Variants in CNTN1 observed in about 807,000 individuals in gnomAD.
CNTN1 encodes the protein contactin 1.
Under a neutral mutation model 126.4 loss-of-function variants are expected in CNTN1, and 38 were observed. The observed-to-expected ratio is 0.30, with a 90% CI of 0.23 to 0.39. CNTN1 has a LOEUF of 0.39. Ranked by LOEUF, CNTN1 falls within the 10% of genes least tolerant of loss-of-function variation. The pLI, the probability that CNTN1 is intolerant of heterozygous loss-of-function variation, is 1.00. For missense variants in CNTN1, 1,009 were observed against 1,248.4 expected (o/e 0.81, Z 2.89); for synonymous variants, 413 against 422.6 (o/e 0.98, Z 0.28).
At chr12:40,948,258 C>CTTTTTTTTTTTT (rs58087551) in intron 14 of CNTN1, among the ~76,000 whole-genome samples, 2 of 62,682 alleles carry the variant, frequency 3.2e-5, no homozygotes, top group African/African-American at 6.5e-5. Flanking sequence ...TTCTTTCTTT[C>CTTTTTTTTTTTT]TTTTTTTTTT....
intron 1 of CNTN1, among the ~76,000 whole-genome samples, chr12:40,833,344 C>T (rs1402381497): frequency 6.6e-6 from 1 of 152,170 alleles, no homozygotes; most frequent in African/African-American, 2.4e-5. Context: ...GATCTGCCCA[C>T]CCCAGCCTCC....
Position 40,933,508 on chromosome 12 carries a change from G to T in CNTN1, c.751G>T (p.Val251Leu). 1 of 1,612,138 alleles carries T rather than the reference G, an allele frequency of 6.2e-7. No homozygotes were observed. Among genetic ancestry groups the T allele is most frequent in the Non-Finnish European group, 8.5e-7 (1 of 1,178,568 alleles). Residue 251 changes from valine to leucine, a missense_variant, in exon 8 of 24, where the codon GTA becomes TTA. Physicochemically the swap from Val to Leu is conservative, Grantham distance 32. Transcript: ENST00000551295. ...PADIVVQFKD[V>L]YALMGQNVTL... is the part of the protein sequence containing the mutation. ...TGATATTGTAGTTCAGTTCAAGGAT[G>T]TATATGCATTGATGGGCCAAAATGT...
chr12:41,022,138 A>C (rs1341407672), intron 20 of CNTN1, among the ~76,000 whole-genome samples: 2 of 152,192 alleles, frequency 1.3e-5, no homozygotes, highest in South Asian at 4.1e-4. Flanking sequence ...AACAAGAAGA[A>C]GACAAAAGAA....
At chr12:41,066,358 A>G (rs1950049172) in intron 23 of CNTN1, among the ~76,000 whole-genome samples, 2 of 152,196 alleles carry the variant, frequency 1.3e-5, no homozygotes, top group Admixed American at 1.3e-4. Context: ...TGAAGGTCAC[A>G]GTGGTTTCCT....
At chr12:40,858,677 C>T (rs988315063) in intron 1 of CNTN1, among the ~76,000 whole-genome samples, 10 of 152,096 alleles carry the variant, frequency 6.6e-5, no homozygotes, top group Non-Finnish European at 1.2e-4. Context: ...TACATGCACA[C>T]GTATGTTCAT....
intron 1 of CNTN1, among the ~76,000 whole-genome samples, chr12:40,805,444 T>C (rs981817100): frequency 6.6e-6 from 1 of 152,048 alleles, no homozygotes; most frequent in Non-Finnish European, 1.5e-5. Context: ...TCAAGTGTAC[T>C]GGTTGGTCTA....
intron 6 of CNTN1, among the ~76,000 whole-genome samples, chr12:40,925,611 A>ATATATATATATGTG: frequency 6.9e-6 from 1 of 143,946 alleles, no homozygotes; most frequent in Admixed American, 7.0e-5. Flanking sequence ...ATATACGTGT[A>ATATATATATATGTG]TATATATATA....
At chr12:40,745,789 G>A (rs184284986) in intron 1 of CNTN1, among the ~76,000 whole-genome samples, 5 of 152,114 alleles carry the variant, frequency 3.3e-5, no homozygotes, top group Non-Finnish European at 7.4e-5. Context: ...CATATTCGGG[G>A]TTAAAATATT....
At chr12:40,785,138 A>G (rs1399960966) in intron 1 of CNTN1, among the ~76,000 whole-genome samples, 1 of 152,198 alleles carries the variant, frequency 6.6e-6, no homozygotes, top group Admixed American at 6.6e-5. Context: ...GACACAGAAA[A>G]AAACTATTTA....
chr12:40,817,708 A>C (rs950504778), intron 1 of CNTN1, among the ~76,000 whole-genome samples: 2 of 151,942 alleles, frequency 1.3e-5, no homozygotes, highest in African/African-American at 2.4e-5. Context: ...TCCTATCATC[A>C]TGATGCTATT....
chr12:40,940,313 T>TG (rs1415501870), intron 12 of CNTN1, among the ~76,000 whole-genome samples: 2 of 151,882 alleles, frequency 1.3e-5, no homozygotes, highest in African/African-American at 2.4e-5. Context: ...TAGAGGAAAA[T>TG]GGAGGAGACT....
intron 16 of CNTN1, among the ~76,000 whole-genome samples, chr12:40,991,103 T>C (rs769246724): frequency 1.3e-4 from 20 of 152,178 alleles, no homozygotes; most frequent in Non-Finnish European, 2.6e-4. Flanking sequence ...CTCTCATAGT[T>C]TGGAGACCAA....
chr12:41,071,703 C>T lies in CNTN1; in HGVS notation c.*1668C>T, dbSNP rs887530204. 1 of 152,006 alleles carries T rather than the reference C, an allele frequency of 6.6e-6. No individual in the cohort carries two copies. Among genetic ancestry groups the T allele is most frequent in the Non-Finnish European group, 1.5e-5 (1 of 67,990 alleles). The allele number at this position is 152,006 out of a possible 1,614,324, so 9.4% of individuals were successfully genotyped here. On this transcript the variant is annotated 3_prime_UTR_variant, in exon 24 of 24. Coordinates refer to ENST00000551295, the MANE Select transcript of CNTN1 (RefSeq NM_001843.4). ...AAAATAAGTGAAATGGATGATTTCC[C>T]AGTGGAAGTATGTCAACAGTCTTAA...
Position 40,773,642 on chromosome 12 carries a change from TATATATATATATACAC to T in CNTN1, c.-77+81064_-77+81079del, listed in dbSNP as rs1189547022. Reference sequence around the variant, plus strand: ...CCTCTGACCAGAAACTGTATATATATATATATATATATACACATATATATATATATACACATATATA... The same window carrying T: ...CCTCTGACCAGAAACTGTATATATATATATATATATATATACACATATATA... On this transcript the variant is annotated intron_variant, in intron 1 of 23. Coordinates refer to ENST00000551295, the MANE Select transcript of CNTN1 (RefSeq NM_001843.4). Among the ~76,000 whole-genome samples, 73 of 7,526 alleles carry T rather than the reference TATATATATATATACAC, an allele frequency of 9.7e-3. 1 individual carries two copies. In the South Asian group the frequency reaches 0.13, roughly 13 times the overall value. The allele number at this position is 7,526 out of a possible 152,430, so 4.9% of individuals were successfully genotyped here.
At chr12:41,057,044 T>C (rs1342789109) in intron 23 of CNTN1, among the ~76,000 whole-genome samples, 1 of 119,902 alleles carries the variant, frequency 8.3e-6, no homozygotes, top group African/African-American at 3.5e-5. Flanking sequence ...TTATAAATAT[T>C]TAGATATTTA....
intron 1 of CNTN1, among the ~76,000 whole-genome samples, chr12:40,838,882 C>T (rs571780316): frequency 7.9e-5 from 12 of 152,066 alleles, no homozygotes; most frequent in East Asian, 7.7e-4. Flanking sequence ...AATGTGACAC[C>T]GCCAGAGGAA....
chr12:41,062,935 G>A (rs1447906561), intron 23 of CNTN1, among the ~76,000 whole-genome samples: 1 of 152,154 alleles, frequency 6.6e-6, no homozygotes, highest in Admixed American at 6.5e-5. Flanking sequence ...AACACCACCA[G>A]TAAAAGAACC....
At chr12:40,766,099 T>A (rs1939073441) in intron 1 of CNTN1, among the ~76,000 whole-genome samples, 1 of 152,164 alleles carries the variant, frequency 6.6e-6, no homozygotes, top group Admixed American at 6.5e-5. Context: ...GGCTCACGCC[T>A]GTAGTCCCAG....
intron 1 of CNTN1, among the ~76,000 whole-genome samples, chr12:40,890,265 C>T (rs1482162966): frequency 6.6e-6 from 1 of 152,130 alleles, no homozygotes; most frequent in African/African-American, 2.4e-5. Context: ...CCCTTGTCTC[C>T]TCACACATAG....
Sources: gnomAD v4.1 joint callset for allele counts (sites outside exome capture counted in the v4.1 genomes callset) on GRCh38, gnomAD v4.1.1 for gene constraint, MANE v1.5 for transcripts, NCBI Gene and HGNC (gene_info 2026-07-23, HGNC 2026-07-21) for gene names.